The following IGFBP7 variants were observed in gnomAD, a reference collection of about 807,000 sequenced individuals.
The protein encoded by IGFBP7 is insulin-like growth factor-binding protein 7.
Under a neutral mutation model 29.4 loss-of-function variants are expected in IGFBP7, and 31 were observed. The observed-to-expected ratio is 1.05, with a 90% CI of 0.79 to 1.42. The LOEUF is 1.42. Ranked by LOEUF, IGFBP7 falls within the 40% of genes most tolerant of loss-of-function variation. The pLI, the probability that IGFBP7 is intolerant of heterozygous loss-of-function variation, is 0.00. For missense variants in IGFBP7, 393 were observed against 395.5 expected (o/e 0.99, Z 0.05); for synonymous variants, 172 against 174.9 (o/e 0.98, Z 0.13).
chr4:57,056,450 C>T (rs950151724), intron 1 of IGFBP7, among the ~76,000 whole-genome samples: 2 of 151,990 alleles, frequency 1.3e-5, no homozygotes, highest in Admixed American at 1.3e-4. Context: ...TTTCTGAGTG[C>T]TAAGAGGAAT....
chr4:57,053,019 C>CTTTTTTTTTTTT (rs60116761), intron 1 of IGFBP7, among the ~76,000 whole-genome samples: 1 of 141,088 alleles, frequency 7.1e-6, no homozygotes. Context: ...TCTTTTCTAT[C>CTTTTTTTTTTTT]TTTTTTTTTT....
intron 1 of IGFBP7, among the ~76,000 whole-genome samples, chr4:57,087,097 C>T (rs1725516756): frequency 6.6e-6 from 1 of 152,168 alleles, no homozygotes; most frequent in Admixed American, 6.5e-5. Context: ...CTGCTTCAGC[C>T]CCATTTAACG....
intron 1 of IGFBP7, among the ~76,000 whole-genome samples, chr4:57,054,639 CAAAAAAAA>C (rs75161514): frequency 2.5e-4 from 7 of 27,894 alleles, no homozygotes; most frequent in Admixed American, 6.0e-4. Flanking sequence ...CTCTCTCTCA[CAAAAAAAA>C]AAAAAAAAAA....
intron 2 of IGFBP7, among the ~76,000 whole-genome samples, chr4:57,039,980 A>G (rs944182043): frequency 1.2e-4 from 18 of 151,816 alleles, no homozygotes; most frequent in African/African-American, 4.4e-4. Context: ...AAGCTGATTT[A>G]TTAAAAGAAT....
chr4:57,109,323 C>T (rs553850825), intron 1 of IGFBP7, among the ~76,000 whole-genome samples: 1 of 152,100 alleles, frequency 6.6e-6, no homozygotes, highest in South Asian at 2.1e-4. Flanking sequence ...CTTATAGTCC[C>T]AGCTACTTGG....
At chr4:57,097,275 A>G (rs1309310121) in intron 1 of IGFBP7, among the ~76,000 whole-genome samples, 1 of 152,236 alleles carries the variant, frequency 6.6e-6, no homozygotes, top group African/African-American at 2.4e-5. Flanking sequence ...TGCAAAGCAA[A>G]GCATGTCCTC....
chr4:57,101,604 C>T (rs1725897988), intron 1 of IGFBP7, among the ~76,000 whole-genome samples: 1 of 152,136 alleles, frequency 6.6e-6, no homozygotes, highest in Non-Finnish European at 1.5e-5. Context: ...ATCATTTTGC[C>T]ATTAATCCAA....
chr4:57,069,574 G>C (rs1243020974), intron 1 of IGFBP7, among the ~76,000 whole-genome samples: 1 of 152,150 alleles, frequency 6.6e-6, no homozygotes, highest in East Asian at 1.9e-4. Flanking sequence ...GGAGGTAGAA[G>C]CATTGCTTGA....
intron 1 of IGFBP7, among the ~76,000 whole-genome samples, chr4:57,062,698 C>CGT (rs949889654): frequency 1.1e-4 from 16 of 152,096 alleles, no homozygotes; most frequent in Non-Finnish European, 1.5e-5. Context: ...CTTTGTGTTT[C>CGT]GTCTTGCAAA....
chr4:57,088,787 G>C (rs990746152), intron 1 of IGFBP7, among the ~76,000 whole-genome samples: 1 of 151,996 alleles, frequency 6.6e-6, no homozygotes, highest in Non-Finnish European at 1.5e-5. Flanking sequence ...CCAGCATTTT[G>C]GGAGGTCAAG....
intron 1 of IGFBP7, among the ~76,000 whole-genome samples, chr4:57,063,123 TCCC>T (rs569479023): frequency 7.0e-4 from 106 of 152,054 alleles, no homozygotes; most frequent in Admixed American, 4.3e-3. Flanking sequence ...TCTAGAATAT[TCCC>T]CCCATTTCCC....
At chr4:57,038,632 A>G (rs1724140652) in intron 2 of IGFBP7, among the ~76,000 whole-genome samples, 1 of 152,226 alleles carries the variant, frequency 6.6e-6, no homozygotes, top group African/African-American at 2.4e-5. Flanking sequence ...TTGCTGGAGA[A>G]GTAAGGCAGC....
At chr4:57,043,565 C>G (rs1395373662) in intron 1 of IGFBP7, among the ~76,000 whole-genome samples, 1 of 152,188 alleles carries the variant, frequency 6.6e-6, no homozygotes, top group Non-Finnish European at 1.5e-5. Flanking sequence ...TCCCACTCAT[C>G]TAAAGCATTA....
At chr4:57,073,277 G>C in intron 1 of IGFBP7, 1 of 550,564 alleles carries the variant, frequency 1.8e-6, no homozygotes, top group South Asian at 2.3e-5. Flanking sequence ...GCCTCCAGTT[G>C]AGTGCTTGTG....
At chr4:57,101,597 A>C (rs1725897820) in intron 1 of IGFBP7, among the ~76,000 whole-genome samples, 1 of 152,180 alleles carries the variant, frequency 6.6e-6, no homozygotes, top group Admixed American at 6.5e-5. Context: ...GGGCCATATC[A>C]TTTTGCCATT....
intron 2 of IGFBP7, among the ~76,000 whole-genome samples, chr4:57,034,059 A>AAAC (rs929201271): frequency 6.6e-6 from 1 of 151,332 alleles, no homozygotes; most frequent in African/African-American, 2.4e-5. Flanking sequence ...CAAAAAAAAA[A>AAAC]AAAAAAAAAC....
chr4:57,049,416 C>G (rs1724446351), intron 1 of IGFBP7, among the ~76,000 whole-genome samples: 1 of 152,074 alleles, frequency 6.6e-6, no homozygotes, highest in Non-Finnish European at 1.5e-5. Context: ...GTCATTTCTA[C>G]CCAAACTCAC....
At chr4:57,035,940 A>C (rs1724074170) in intron 2 of IGFBP7, among the ~76,000 whole-genome samples, 1 of 152,364 alleles carries the variant, frequency 6.6e-6, no homozygotes, top group African/African-American at 2.4e-5. Context: ...AAATATTTTG[A>C]CTTAGGTAAC....
chr4:57,104,745 G>T (rs563004936), intron 1 of IGFBP7, among the ~76,000 whole-genome samples: 1 of 152,164 alleles, frequency 6.6e-6, no homozygotes, highest in Non-Finnish European at 1.5e-5. Context: ...ATATGGAAAT[G>T]TTGGGATTTG....
Sources: allele counts gnomAD v4.1 joint callset (sites outside exome capture counted in the v4.1 genomes callset), GRCh38; gene constraint gnomAD v4.1.1; transcripts MANE v1.5; gene names NCBI Gene and HGNC (gene_info 2026-07-23, HGNC 2026-07-21).